PLCB4: variants seen among roughly 807,000 people sequenced by gnomAD.
PLCB4 encodes the protein phospholipase C beta 4.
In PLCB4, 77 loss-of-function variants were observed where a neutral mutation model predicts 178.8. The ratio of observed to expected loss-of-function variants is 0.43; its 90% confidence interval spans 0.36 to 0.52. The LOEUF is 0.52. PLCB4 is among the 20% of genes least tolerant of loss of function. PLCB4 has a pLI of 0.00. For synonymous variants in PLCB4, 496 were observed against 490.8 expected, an observed-to-expected ratio of 1.01 and a Z score of -0.14; for missense variants, 1,024 against 1,453.4, an observed-to-expected ratio of 0.70 and a Z score of 4.80.
intron 12 of PLCB4, among the ~76,000 whole-genome samples, chr20:9,374,744 C>T (rs2036529041): frequency 6.6e-6 from 1 of 152,076 alleles, no homozygotes; most frequent in Non-Finnish European, 1.5e-5. Context: ...AATGCATTTC[C>T]TTTTATGGGT....
chr20:9,214,401 C>A (rs1006219583), intron 2 of PLCB4, among the ~76,000 whole-genome samples: 4 of 152,104 alleles, frequency 2.6e-5, no homozygotes, highest in Non-Finnish European at 4.4e-5. Flanking sequence ...CTGTCTCTCC[C>A]CATTGAATGG....
At chr20:9,069,024 A>C (rs2089422729), upstream of PLCB4, 2 of 151,916 alleles carry the variant, frequency 1.3e-5, no homozygotes, top group Non-Finnish European at 2.9e-5. Flanking sequence ...CTTTATGGCG[A>C]GGAGGGGGTG....
rs1400416209 is a variant in PLCB4, at chr20:9,393,240, A to C, written c.1324-348A>C. Reference sequence around the variant, plus strand: ...GCTAATTCTGAACCCAGCCATCACAATTGTCCCTTGCACTTTACCAGATAC... The same window carrying C: ...GCTAATTCTGAACCCAGCCATCACACTTGTCCCTTGCACTTTACCAGATAC... On this transcript the variant is annotated intron_variant, in intron 17 of 39. Coordinates refer to ENST00000378473, the MANE Select transcript of PLCB4 (RefSeq NM_001377142.1). Among the ~76,000 whole-genome samples, 4 of 152,056 alleles carry C rather than the reference A, an allele frequency of 2.6e-5. No individual in the cohort carries two copies. The East Asian group carries it at 7.7e-4, about 29-fold the overall frequency.
intron 1 of PLCB4, among the ~76,000 whole-genome samples, chr20:9,085,232 C>G (rs1008432175): frequency 1.3e-5 from 2 of 151,988 alleles, no homozygotes; most frequent in Admixed American, 1.3e-4. Context: ...AGAATGGGGT[C>G]ACATAATAAA....
intron 7 of PLCB4, among the ~76,000 whole-genome samples, chr20:9,340,577 G>T (rs1176572980): frequency 1.3e-5 from 2 of 152,078 alleles, no homozygotes; most frequent in Non-Finnish European, 2.9e-5. Flanking sequence ...AACAGATTTT[G>T]CAGTGCCTTC....
intron 2 of PLCB4, among the ~76,000 whole-genome samples, chr20:9,155,432 T>C (rs1159944845): frequency 3.3e-5 from 5 of 152,142 alleles, no homozygotes; most frequent in Non-Finnish European, 5.9e-5. Flanking sequence ...AGCTGCAAAG[T>C]CACTTTACAA....
intron 1 of PLCB4, among the ~76,000 whole-genome samples, chr20:9,083,836 G>A (rs1165410294): frequency 1.3e-5 from 2 of 152,178 alleles, no homozygotes; most frequent in Admixed American, 6.6e-5. Flanking sequence ...GAGGTCTCAG[G>A]AGAAACCATG....
chr20:9,459,864 G>C, intron 35 of PLCB4, 54 bp downstream of exon 35: 1 of 1,262,780 alleles, frequency 7.9e-7, no homozygotes, highest in Non-Finnish European at 1.1e-6. Flanking sequence ...AACAAAAGCT[G>C]ATTTTGTGTG....
intron 7 of PLCB4, among the ~76,000 whole-genome samples, chr20:9,341,648 G>C (rs2033210005): frequency 6.6e-6 from 1 of 151,426 alleles, no homozygotes; most frequent in African/African-American, 2.4e-5. Flanking sequence ...AGGAGAGGCA[G>C]GCACATTGGT....
chr20:9,091,706 TACA>T (rs1396740694), intron 1 of PLCB4, among the ~76,000 whole-genome samples: 2 of 151,574 alleles, frequency 1.3e-5, no homozygotes, highest in Non-Finnish European at 2.9e-5. Context: ...ACCTGGTTTA[TACA>T]ACAATAGCTA....
chr20:9,297,707 T>C (rs978996094), intron 3 of PLCB4, among the ~76,000 whole-genome samples: 14 of 151,948 alleles, frequency 9.2e-5, no homozygotes, highest in South Asian at 2.1e-4. Flanking sequence ...ATTCTAAAGT[T>C]GAATGACAAG....
intron 32 of PLCB4, among the ~76,000 whole-genome samples, chr20:9,452,457 C>T (rs530216642): frequency 3.1e-4 from 47 of 152,214 alleles, no homozygotes; most frequent in Non-Finnish European, 5.6e-4. Context: ...TTCTGGTTCT[C>T]AAGAGTAAGG....
intron 1 of PLCB4, among the ~76,000 whole-genome samples, chr20:9,087,745 A>C (rs950886039): frequency 2.0e-5 from 3 of 152,208 alleles, no homozygotes; most frequent in African/African-American, 7.2e-5. Context: ...TTTCAAGGCC[A>C]GTTCTTTCTC....
At chr20:9,344,336 CCTCA>C (rs1361882559) in intron 7 of PLCB4, among the ~76,000 whole-genome samples, 1 of 152,188 alleles carries the variant, frequency 6.6e-6, no homozygotes, top group Non-Finnish European at 1.5e-5. Context: ...TTCGGCACTT[CCTCA>C]CTCCTTTTCC....
chr20:9,229,707 ATT>A (rs1163333871), intron 3 of PLCB4, among the ~76,000 whole-genome samples: 2 of 151,734 alleles, frequency 1.3e-5, no homozygotes, highest in African/African-American at 2.4e-5. Flanking sequence ...TTTCCTTCAA[ATT>A]TTAAGTTCAG....
intron 2 of PLCB4, among the ~76,000 whole-genome samples, chr20:9,206,430 A>C (rs2093616698): frequency 6.6e-6 from 1 of 151,204 alleles, no homozygotes; most frequent in South Asian, 2.1e-4. Flanking sequence ...GGCATTCAGC[A>C]CACTGGTTTG....
At chr20:9,408,790 T>G in intron 23 of PLCB4, 73 bp downstream of exon 23, 1 of 795,460 alleles carries the variant, frequency 1.3e-6, no homozygotes, top group Non-Finnish European at 2.2e-6. Context: ...AATAGATAAA[T>G]GGCTAATATC....
intron 35 of PLCB4, among the ~76,000 whole-genome samples, chr20:9,467,117 A>G (rs1162758200): frequency 6.6e-6 from 1 of 152,248 alleles, no homozygotes; most frequent in Non-Finnish European, 1.5e-5. Flanking sequence ...GGATGAGTTC[A>G]TGTCCTTTGC....
At chr20:9,188,152 T>C (rs1423441232) in intron 2 of PLCB4, among the ~76,000 whole-genome samples, 1 of 152,042 alleles carries the variant, frequency 6.6e-6, no homozygotes, top group Non-Finnish European at 1.5e-5. Flanking sequence ...GAACAAAAAA[T>C]AAAATGAAAA....
Sources: gnomAD v4.1 joint callset for allele counts (sites outside exome capture counted in the v4.1 genomes callset) on GRCh38, gnomAD v4.1.1 for gene constraint, MANE v1.5 for transcripts, NCBI Gene and HGNC (gene_info 2026-07-23, HGNC 2026-07-21) for gene names.